The following KIAA1328 variants were observed in gnomAD, a reference collection of about 807,000 sequenced individuals.
KIAA1328 encodes KIAA1328, also known as protein hinderin.
A neutral mutation model predicts 68.1 loss-of-function variants in KIAA1328; 52 were observed. That is an observed-to-expected ratio of 0.76 (90% CI 0.61 to 0.96). The LOEUF (loss-of-function observed/expected upper bound fraction) is 0.96, where lower values mean the gene tolerates loss of function less well. KIAA1328 is among the 40% of genes least tolerant of loss of function. KIAA1328 has a pLI of 0.00. For synonymous variants in KIAA1328, 232 were observed against 239.4 expected (o/e 0.97, Z 0.28); for missense variants, 641 against 677.6 (o/e 0.95, Z 0.60).
Position 37,169,170 on chromosome 18 carries a change from AT to A in KIAA1328, c.1415-3790del, listed in dbSNP as rs1192375237. ...TTTATTTATTTATTTATTTATTTAT[AT>A]TTTTTTTTTTTTGAGACAGAGTCTG... On this transcript the variant is annotated intron_variant, in intron 8 of 9. Transcript: ENST00000280020. Among the ~76,000 whole-genome samples the A allele has an allele frequency of 7.5e-3, 977 of 131,108 alleles. 8 individuals carry two copies. Among genetic ancestry groups the A allele is most frequent in the African/African-American group, 0.023 (813 of 34,770 alleles). 86.0% of individuals were successfully genotyped at this position (131,108 alleles called of 152,430 possible).
intron 7 of KIAA1328, among the ~76,000 whole-genome samples, chr18:37,122,850 C>A (rs902099860): frequency 6.6e-6 from 1 of 151,970 alleles, no homozygotes; most frequent in Non-Finnish European, 1.5e-5. Flanking sequence ...GAGTGATGAC[C>A]AGGAAGACAC....
intron 6 of KIAA1328, among the ~76,000 whole-genome samples, chr18:36,985,646 A>G (rs907506162): frequency 1.3e-5 from 2 of 152,184 alleles, no homozygotes; most frequent in Non-Finnish European, 2.9e-5. Context: ...ATATGTCACA[A>G]TTTCATGTGC....
intron 4 of KIAA1328, among the ~76,000 whole-genome samples, chr18:36,867,864 A>G (rs1373931824): frequency 6.6e-6 from 1 of 152,242 alleles, no homozygotes; most frequent in Non-Finnish European, 1.5e-5. Context: ...GTCTAAGAAT[A>G]AAAACAAATT....
chr18:37,003,980 TGACTCTGGCCC>T (rs1363481346), intron 6 of KIAA1328, among the ~76,000 whole-genome samples: 2 of 152,176 alleles, frequency 1.3e-5, no homozygotes, highest in East Asian at 3.8e-4. Context: ...GCTCTTTTGG[TGACTCTGGCCC>T]TATAGTATAG....
intron 5 of KIAA1328, among the ~76,000 whole-genome samples, chr18:36,908,342 A>T (rs1203093572): frequency 6.6e-6 from 1 of 152,034 alleles, no homozygotes; most frequent in African/African-American, 2.4e-5. Context: ...GGAACATATA[A>T]AATTTTTTTT....
At chr18:37,080,893 A>T (rs1189411973) in intron 7 of KIAA1328, among the ~76,000 whole-genome samples, 2 of 152,018 alleles carry the variant, frequency 1.3e-5, no homozygotes, top group Non-Finnish European at 2.9e-5. Context: ...CCTAAAACAA[A>T]GTTCTTTCCA....
chr18:37,064,392 G>A (rs914854849), intron 6 of KIAA1328, among the ~76,000 whole-genome samples: 10 of 152,072 alleles, frequency 6.6e-5, no homozygotes, highest in African/African-American at 2.4e-4. Flanking sequence ...CAACTATTGC[G>A]AAATAAATTG....
At chr18:36,975,675 T>G (rs1450709616) in intron 6 of KIAA1328, among the ~76,000 whole-genome samples, 1 of 152,202 alleles carries the variant, frequency 6.6e-6, no homozygotes, top group Non-Finnish European at 1.5e-5. Flanking sequence ...TTCAACTGCC[T>G]GTTAACAAAG....
At chr18:36,875,148 A>C (rs946202830) in intron 4 of KIAA1328, among the ~76,000 whole-genome samples, 1 of 152,184 alleles carries the variant, frequency 6.6e-6, no homozygotes, top group African/African-American at 2.4e-5. Context: ...TGTCTTGGCT[A>C]TATGGGCTCT....
chr18:37,117,105 A>T (rs2151921050), intron 7 of KIAA1328, among the ~76,000 whole-genome samples: 1 of 152,348 alleles, frequency 6.6e-6, no homozygotes, highest in East Asian at 1.9e-4. Context: ...CAGTGTGGCG[A>T]TTCCTCAGGG....
chr18:37,017,914 C>T (rs2054208661), intron 6 of KIAA1328, among the ~76,000 whole-genome samples: 1 of 152,100 alleles, frequency 6.6e-6, no homozygotes, highest in African/African-American at 2.4e-5. Context: ...TTTTCTCCAA[C>T]TTTGTCACTC....
intron 4 of KIAA1328, among the ~76,000 whole-genome samples, chr18:36,866,099 C>T (rs2047740979): frequency 6.6e-6 from 1 of 152,184 alleles, no homozygotes; most frequent in Admixed American, 6.5e-5. Context: ...CTAATCTTCA[C>T]CAGTACCCAC....
At chr18:37,207,750 A>G (rs750740444) in intron 9 of KIAA1328, among the ~76,000 whole-genome samples, 1 of 152,206 alleles carries the variant, frequency 6.6e-6, no homozygotes, top group Non-Finnish European at 1.5e-5. Context: ...GAGCACGTGA[A>G]TGGGTCAGAG....
intron 7 of KIAA1328, among the ~76,000 whole-genome samples, chr18:37,115,498 A>G (rs1176057950): frequency 6.6e-6 from 1 of 152,248 alleles, no homozygotes; most frequent in Non-Finnish European, 1.5e-5. Context: ...TAAGCTAGGT[A>G]TTGATGGGAC....
chr18:37,227,614 T>C (rs1333036403), downstream of KIAA1328, among the ~76,000 whole-genome samples: 1 of 152,210 alleles, frequency 6.6e-6, no homozygotes, highest in East Asian at 1.9e-4. Context: ...ACAGCATGGT[T>C]TACTGAATAT....
At chr18:36,849,063 C>T (rs747477731) in intron 4 of KIAA1328, among the ~76,000 whole-genome samples, 11 of 151,626 alleles carry the variant, frequency 7.3e-5, no homozygotes, top group Admixed American at 2.6e-4. Context: ...ATTTACTATT[C>T]TAACCAGTTT....
chr18:37,142,382 G>A (rs1206869998), intron 7 of KIAA1328, among the ~76,000 whole-genome samples: 1 of 151,908 alleles, frequency 6.6e-6, no homozygotes, highest in Non-Finnish European at 1.5e-5. Context: ...AGTAGAGACG[G>A]GGTTTCACTA....
At chr18:37,201,873 G>C (rs183543310) in intron 9 of KIAA1328, among the ~76,000 whole-genome samples, 1 of 152,296 alleles carries the variant, frequency 6.6e-6, no homozygotes, top group Admixed American at 6.5e-5. Context: ...GAACTGTATT[G>C]ACAAGGTACT....
chr18:37,185,929 A>G (rs1356457309), intron 9 of KIAA1328, among the ~76,000 whole-genome samples: 1 of 151,908 alleles, frequency 6.6e-6, no homozygotes, highest in Non-Finnish European at 1.5e-5. Flanking sequence ...CATAAAAATT[A>G]TCGTTAAACA....
Sources: allele counts gnomAD v4.1 joint callset (sites outside exome capture counted in the v4.1 genomes callset), GRCh38; gene constraint gnomAD v4.1.1; transcripts MANE v1.5; gene names NCBI Gene and HGNC (gene_info 2026-07-23, HGNC 2026-07-21).